The following GPAA1 variants were observed in gnomAD, a reference collection of about 807,000 sequenced individuals.
GPAA1 encodes GPI-anchor transamidase component GPAA1.
A neutral mutation model predicts 64.0 loss-of-function variants in GPAA1; 54 were observed. The ratio of observed to expected loss-of-function variants is 0.84; its 90% CI spans 0.68 to 1.06. GPAA1 has a LOEUF of 1.06. GPAA1 is among the 50% of genes least tolerant of loss of function. The pLI is 0.00. For synonymous variants in GPAA1, 393 were observed against 377.3 expected, an observed-to-expected ratio of 1.04 and a Z score of -0.48; for missense variants, 780 against 822.3, an observed-to-expected ratio of 0.95 and a Z score of 0.63.
rs369009236 is a variant in GPAA1 at position 144,083,839 on chromosome 8, G to C, written c.492G>C (p.Leu164=). 16 of 1,612,288 alleles carry C rather than the reference G, an allele frequency of 9.9e-6. No homozygotes were observed. The highest frequency in any genetic ancestry group is 1.4e-5 in the Non-Finnish European group (16 of 1,180,028). The change falls in exon 4 of 12, where the codon CTG becomes CTC. Residue 164 remains leucine (L), a synonymous_variant. Transcript: ENST00000355091. ...STNSQAVGLL[L]ALAAHFRGQI... ...ACAGCCAGGCTGTGGGGCTGCTGCTGGCACTGGCTGCCCACTTCCGGGGTG... is the reference window on the plus strand; with the variant it reads ...ACAGCCAGGCTGTGGGGCTGCTGCTCGCACTGGCTGCCCACTTCCGGGGTG...
intron 3 of GPAA1, 33 bp from the exon 4 acceptor site, chr8:144,083,681 C>A: frequency 3.2e-6 from 5 of 1,585,326 alleles, no homozygotes; most frequent in Non-Finnish European, 4.3e-6. Context: ...CACAAAGTTA[C>A]ACTGAGGCTC....
Position 144,084,523 on chromosome 8 carries a change from C to T in GPAA1, c.924C>T (p.Leu308=). ...ASGRPHGSHG[L]FLRYRVEALT... is the part of the protein sequence containing the mutation. ...GCCGCCCCCACGGCTCCCATGGCCT[C>T]TTCCTGCGCTACCGTGTGGAGGCCC... The change falls in exon 7 of 12, where the codon CTC becomes CTT. Residue 308 remains leucine, a synonymous_variant. Coordinates refer to ENST00000355091, the MANE Select transcript of GPAA1 (RefSeq NM_003801.4). 1 of 1,613,822 alleles carries T rather than the reference C, an allele frequency of 6.2e-7. No homozygotes were observed. Among genetic ancestry groups the T allele is most frequent in the Non-Finnish European group, 8.5e-7 (1 of 1,180,010 alleles).
chr8:144,083,477 C>T lies in GPAA1; in HGVS notation c.343C>T (p.Pro115Ser), dbSNP rs782134168. The change falls in exon 3 of 12, where the codon CCA becomes TCA. Residue 115 changes from proline to serine, a missense_variant. By Grantham distance (74) the Pro-to-Ser change is moderately conservative. Transcript: ENST00000355091. ...TQSFSRKLPF[P>S]DETHERYMVS... is the part of the protein sequence containing the mutation. ...GAGTTTCTCCCGGAAACTGCCCTTCCCAGATGAGACCCACGAGCGCTATGT... is the reference window on the plus strand; with the variant it reads ...GAGTTTCTCCCGGAAACTGCCCTTCTCAGATGAGACCCACGAGCGCTATGT... 1.2e-6 allele frequency: 2 copies of T among 1,613,216 alleles called. No homozygotes were observed. The highest frequency in any genetic ancestry group is 2.2e-5 in the South Asian group (2 of 91,064).
rs1835940265 is a variant in GPAA1 at position 144,083,370 on chromosome 8, G to A, written c.255-19G>A. 6.2e-7 allele frequency: 1 copy of A among 1,612,342 alleles called. No individual in the cohort carries two copies. The highest frequency in any genetic ancestry group is 1.7e-5 in the Admixed American group (1 of 60,012). On this transcript the variant is annotated intron_variant, in intron 2 of 11. Coordinates refer to ENST00000355091, the MANE Select transcript of GPAA1 (RefSeq NM_003801.4). ...TAAGGCCGGGGAGCTCTGCTCAGAGGCTCCCTTCGTGTCTGCAGGGCTCTG... is the reference window on the plus strand; with the variant it reads ...TAAGGCCGGGGAGCTCTGCTCAGAGACTCCCTTCGTGTCTGCAGGGCTCTG...
At chr8:144,085,781 G>A (rs782332699) in intron 11 of GPAA1, 38 bp downstream of exon 11, 2 of 1,607,606 alleles carry the variant, frequency 1.2e-6, no homozygotes, top group East Asian at 2.2e-5. Flanking sequence ...CAATGCCTGT[G>A]CCCTCATCAC....
rs1482326984 is a variant in GPAA1 at position 144,084,628 on chromosome 8, C to T, written c.1010+19C>T. On this transcript the variant is annotated intron_variant, in intron 7 of 11. Transcript: ENST00000355091. ...TGGGCAAGTAAGTAGTCTCTGGTCC[C>T]CCCTTTCCATGCCCAGGATGGGGTC... 2.5e-6 allele frequency: 4 copies of T among 1,607,480 alleles called. No homozygotes were observed. The highest frequency in any genetic ancestry group is 1.3e-5 in the African/African-American group (1 of 74,748).
At position 144,085,918 on chromosome 8, in the gene GPAA1, G is replaced by A. The variant is rs367686000; in HGVS notation, c.1659G>A (p.Pro553=). 1.4e-5 allele frequency: 23 copies of A among 1,609,572 alleles called. No individual in the cohort carries two copies. The highest frequency in any genetic ancestry group is 1.3e-4 in the South Asian group (12 of 91,032). Reference sequence around the variant, plus strand: ...CTGCCCTGCTGGTGCTGACCAGCCCGGCAGCCACGCTCCTTGGCAGCCTGT... The same window carrying A: ...CTGCCCTGCTGGTGCTGACCAGCCCAGCAGCCACGCTCCTTGGCAGCCTGT... ...LYAALLVLTS[P]AATLLGSLFL... The change falls in exon 12 of 12, where the codon CCG becomes CCA. Residue 553 remains proline, a synonymous_variant. Coordinates refer to ENST00000355091, the MANE Select transcript of GPAA1 (RefSeq NM_003801.4).
Position 144,086,113 on chromosome 8 carries a change from C to T in GPAA1, c.1854C>T (p.Leu618=). ...GCTGGCTGCTTTTCTGGAATGTGCT[C>T]TTCTGGAAGTGAGATCTGCCTGTCC... ...YPCWLLFWNV[L]FWK is the part of the protein sequence containing the mutation. Residue 618 remains leucine, a synonymous_variant, in exon 12 of 12, where the codon CTC becomes CTT. Coordinates refer to ENST00000355091, the MANE Select transcript of GPAA1 (RefSeq NM_003801.4). The T allele has an allele frequency of 1.2e-6, 2 of 1,612,712 alleles. No homozygotes were observed. The highest frequency in any genetic ancestry group is 2.2e-5 in the East Asian group (1 of 44,854).
At chr8:144,085,838 T>A (rs139176438) in intron 11 of GPAA1, 44 bp from the exon 12 acceptor site, 4 of 1,600,764 alleles carry the variant, frequency 2.5e-6, no homozygotes, top group Non-Finnish European at 3.4e-6. Context: ...CTGGTGCCCA[T>A]GCCCCCACCA....
In GPAA1 at chr8:144,084,118, T is replaced by C. The variant is rs782796122; in HGVS notation, c.617-16T>C. Reference sequence around the variant, plus strand: ...CACCACGTCCTCCATTAGCACTCATTCACTTGCTCCTACAGGCATGCAGTC... The same window carrying C: ...CACCACGTCCTCCATTAGCACTCATCCACTTGCTCCTACAGGCATGCAGTC... On this transcript the variant is annotated splice_polypyrimidine_tract_variant and intron_variant, in intron 5 of 11. Coordinates refer to ENST00000355091, the MANE Select transcript of GPAA1 (RefSeq NM_003801.4). The C allele has an allele frequency of 2.1e-5, 34 of 1,613,064 alleles. No individual in the cohort carries two copies. The highest frequency in any genetic ancestry group is 2.7e-5 in the Non-Finnish European group (32 of 1,179,472).
chr8:144,082,860 G>T, intron 1 of GPAA1, 56 bp downstream of exon 1: 1 of 1,285,050 alleles, frequency 7.8e-7, no homozygotes, highest in Non-Finnish European at 1.0e-6. Context: ...CGCGCCGGCG[G>T]CCCCATGCGC....
Position 144,082,717 on chromosome 8 carries a change from C to A in GPAA1, c.-14C>A. The A allele has an allele frequency of 6.9e-7, 1 of 1,447,710 alleles. No individual in the cohort carries two copies. The highest frequency in any genetic ancestry group is 1.4e-5 in the South Asian group (1 of 73,106). The allele number at this position is 1,447,710 out of a possible 1,614,324, so 89.7% of individuals were successfully genotyped here. A position where few individuals can be genotyped will look rare whatever the true frequency, so the allele number is the denominator to read the frequency against. On this transcript the variant is annotated 5_prime_UTR_variant, in exon 1 of 12. Transcript: ENST00000355091. Reference sequence around the variant, plus strand: ...GGCGGGAGAGGGTCCGTAGCCGCGCCGCCCTGCCCCGCCATGGGCCTCCTG... The same window carrying A: ...GGCGGGAGAGGGTCCGTAGCCGCGCAGCCCTGCCCCGCCATGGGCCTCCTG...
Position 144,083,180 on chromosome 8 carries a change from T to A in GPAA1, c.131T>A (p.Leu44Gln). The A allele has an allele frequency of 6.2e-7, 1 of 1,613,080 alleles. No homozygotes were observed. ...TTCTTGGCGCTGGTTTTCCCGCCGC[T>A]GACCCAGCGCACTTACATGTCGGAG... The part of the protein sequence containing the change: ...AWFLALVFPP[L>Q]TQRTYMSENA... Residue 44 changes from leucine (L) to glutamine (Q), a missense_variant, in exon 2 of 12, where the codon CTG becomes CAG. Leu to Gln is a moderately radical substitution (Grantham distance 113). Coordinates refer to ENST00000355091, the MANE Select transcript of GPAA1 (RefSeq NM_003801.4).
Position 144,085,942 on chromosome 8 carries a change from G to T in GPAA1, c.1683G>T (p.Leu561=). ...CGGCAGCCACGCTCCTTGGCAGCCTGTTCCTGTGGCGGGAGCTGCAGGAGG... is the reference window on the plus strand; with the variant it reads ...CGGCAGCCACGCTCCTTGGCAGCCTTTTCCTGTGGCGGGAGCTGCAGGAGG... The part of the protein sequence containing the change: ...TSPAATLLGS[L]FLWRELQEAP... Residue 561 remains leucine (L), a synonymous_variant, in exon 12 of 12, where the codon CTG becomes CTT. Transcript: ENST00000355091. The T allele has an allele frequency of 3.1e-6, 5 of 1,610,204 alleles. No homozygotes were observed. Among genetic ancestry groups the T allele is most frequent in the Non-Finnish European group, 4.2e-6 (5 of 1,179,950 alleles).
chr8:144,082,833 C>T (rs1349294172), intron 1 of GPAA1, 29 bp downstream of exon 1: 2 of 1,370,336 alleles, frequency 1.5e-6, no homozygotes, highest in Admixed American at 3.6e-5. Flanking sequence ...GAGGCGGGGA[C>T]CCGAGGGCCC....
chr8:144,084,068 G>C, intron 5 of GPAA1, 28 bp downstream of exon 5: 1 of 1,606,530 alleles, frequency 6.2e-7, no homozygotes, highest in Non-Finnish European at 8.5e-7. Context: ...GCCTGCCCTG[G>C]TCCCCCTCTC....
chr8:144,085,565 T>C lies in GPAA1; in HGVS notation c.1452-8T>C. The C allele has an allele frequency of 1.9e-6, 3 of 1,612,694 alleles. No individual in the cohort carries two copies. The highest frequency in any genetic ancestry group is 2.5e-6 in the Non-Finnish European group (3 of 1,179,458). The stretch of plus-strand genomic sequence containing the variant: ...TTGTGGGTTGCCTCTGAGTCCTTTG[T>C]CTTACAGGGTGGTAAGCACACAGGC... On this transcript the variant is annotated splice_polypyrimidine_tract_variant and splice_region_variant and intron_variant, in intron 10 of 11. Transcript: ENST00000355091.
Position 144,082,759 on chromosome 8 carries a change from G to A in GPAA1, c.29G>A (p.Arg10Gln), listed in dbSNP as rs1020852262. MGLLSDPVRRRALARLVLRL... is the reference protein window; with the variant it reads MGLLSDPVRQRALARLVLRL... The stretch of plus-strand genomic sequence containing the variant: ...GGCCTCCTGTCGGACCCGGTTCGCC[G>A]GCGCGCGCTCGCCCGCCTAGTGCTG... The change falls in exon 1 of 12, where the codon CGG becomes CAG. Residue 10 changes from arginine (R) to glutamine (Q), a missense_variant. Arg to Gln is a conservative substitution (Grantham distance 43, BLOSUM62 1). Transcript: ENST00000355091. The A allele has an allele frequency of 1.4e-6, 2 of 1,464,702 alleles. No homozygotes were observed. The highest frequency in any genetic ancestry group is 4.8e-4 in the Middle Eastern group (2 of 4,204). The allele number at this position is 1,464,702 out of a possible 1,614,324, so 90.7% of individuals were successfully genotyped here.
Position 144,084,610 on chromosome 8 carries a change from G to T in GPAA1, c.1010+1G>T. ...AGTATGACCTGGTGGCAGTGGGCAA[G>T]TAAGTAGTCTCTGGTCCCCCCTTTC... On this transcript the variant is annotated splice_donor_variant, in intron 7 of 11. Coordinates refer to ENST00000355091, the MANE Select transcript of GPAA1 (RefSeq NM_003801.4). LOFTEE classifies it high-confidence loss of function. 6.2e-7 allele frequency: 1 copy of T among 1,610,298 alleles called. No homozygotes were observed. Among genetic ancestry groups the T allele is most frequent in the Non-Finnish European group, 8.5e-7 (1 of 1,177,008 alleles).
Sources: gnomAD v4.1 joint callset for allele counts on GRCh38, gnomAD v4.1.1 for gene constraint, MANE v1.5 for transcripts, NCBI Gene and HGNC (gene_info 2026-07-23, HGNC 2026-07-21) for gene names.